The following SNRPN variants were observed in gnomAD, a reference collection of about 807,000 sequenced individuals.
SNRPN encodes the protein small nuclear ribonucleoprotein polypeptide N.
In SNRPN, 7 loss-of-function variants were observed where a neutral mutation model predicts 25.2. The observed-to-expected ratio is 0.28, with a 90% confidence interval of 0.16 to 0.52. The LOEUF (loss-of-function observed/expected upper bound fraction) is 0.52, where lower values mean the gene tolerates loss of function less well. Ranked by LOEUF, SNRPN falls within the 20% of genes least tolerant of loss-of-function variation. The pLI, the probability that SNRPN is intolerant of heterozygous loss-of-function variation, is 0.96. For synonymous variants in SNRPN, 124 were observed against 110.6 expected (o/e 1.12, Z -0.76); for missense variants, 196 against 322.5 (o/e 0.61, Z 3.00).
intron 1 of SNRPN, among the ~76,000 whole-genome samples, chr15:24,860,782 G>A (rs981823374): frequency 1.3e-5 from 2 of 152,164 alleles, no homozygotes. Flanking sequence ...CCATTAATGT[G>A]TATTGCTTTT....
chr15:24,860,478 G>A (rs1216250999), intron 1 of SNRPN, among the ~76,000 whole-genome samples: 1 of 152,102 alleles, frequency 6.6e-6, no homozygotes, highest in Non-Finnish European at 1.5e-5. Flanking sequence ...TAAATACAAA[G>A]CTCCATTTAA....
chr15:24,857,920 T>C (rs2053567801), intron 1 of SNRPN, among the ~76,000 whole-genome samples: 1 of 152,090 alleles, frequency 6.6e-6, no homozygotes, highest in Admixed American at 6.6e-5. Flanking sequence ...TGATTGGTCA[T>C]GTTGGAGATG....
At chr15:24,827,768 G>A (rs1359764511) in intron 1 of SNRPN, among the ~76,000 whole-genome samples, 1 of 151,404 alleles carries the variant, frequency 6.6e-6, no homozygotes, top group Non-Finnish European at 1.5e-5. Context: ...TCAGGAGGCT[G>A]AGGCAGGAGA....
intron 6 of SNRPN, 143 bp from the exon 7 acceptor site, chr15:24,976,734 C>A: frequency 1.4e-6 from 1 of 738,086 alleles, no homozygotes; most frequent in Non-Finnish European, 2.3e-6. Flanking sequence ...CCATGGTATA[C>A]TTGCTTGTTT....
At chr15:24,856,503 CG>C (rs1396256924), upstream of SNRPN, 2 of 152,268 alleles carry the variant, frequency 1.3e-5, no homozygotes, top group African/African-American at 4.8e-5. Flanking sequence ...TGAATGCGGT[CG>C]TCCTGCTGCA....
intron 2 of SNRPN, among the ~76,000 whole-genome samples, chr15:24,889,681 T>C (rs1228268041): frequency 6.6e-6 from 1 of 152,172 alleles, no homozygotes; most frequent in Non-Finnish European, 1.5e-5. Context: ...TCCTCTGGGC[T>C]TCATTTCCTC....
At chr15:24,942,413 C>G (rs1253570258) in intron 3 of SNRPN, 1 of 152,186 alleles carries the variant, frequency 6.6e-6, no homozygotes, top group Non-Finnish European at 1.5e-5. Context: ...CTTCAAAAGG[C>G]CTTTCCACCA....
At chr15:24,879,413 G>A (rs1422797692) in intron 1 of SNRPN, among the ~76,000 whole-genome samples, 1 of 149,708 alleles carries the variant, frequency 6.7e-6, no homozygotes, top group Non-Finnish European at 1.5e-5. Flanking sequence ...CTCTAGCCTG[G>A]AGGACAGAGT....
chr15:24,860,759 CAAAGT>C (rs1267147199), intron 1 of SNRPN, among the ~76,000 whole-genome samples: 2 of 152,154 alleles, frequency 1.3e-5, no homozygotes, highest in African/African-American at 4.8e-5. Context: ...ATTGGACACT[CAAAGT>C]ATAGTTTCCA....
chr15:24,908,676 A>G (rs939149326), intron 2 of SNRPN, among the ~76,000 whole-genome samples: 3 of 138,832 alleles, frequency 2.2e-5, no homozygotes, highest in Admixed American at 7.3e-5. Flanking sequence ...GTAACTCACC[A>G]TACCAACTCA....
chr15:24,890,375 C>A (rs2057572964), intron 2 of SNRPN, among the ~76,000 whole-genome samples: 1 of 152,044 alleles, frequency 6.6e-6, no homozygotes, highest in South Asian at 2.1e-4. Context: ...TCAAAACTGT[C>A]CATAAAAATA....
intron 1 of SNRPN, among the ~76,000 whole-genome samples, chr15:24,956,669 C>T (rs749359202): frequency 3.9e-5 from 6 of 152,218 alleles, no homozygotes; most frequent in Non-Finnish European, 5.9e-5. Flanking sequence ...GCTGATACAG[C>T]AGCTGTTCCT....
chr15:24,886,286 CT>C (rs950311142), intron 1 of SNRPN, among the ~76,000 whole-genome samples: 1 of 152,140 alleles, frequency 6.6e-6, no homozygotes, highest in Non-Finnish European at 1.5e-5. Flanking sequence ...CCTCTTGCCC[CT>C]GATGTTAATT....
intron 1 of SNRPN, among the ~76,000 whole-genome samples, chr15:24,876,946 C>T (rs553861651): frequency 6.6e-6 from 1 of 152,014 alleles, no homozygotes; most frequent in African/African-American, 2.4e-5. Flanking sequence ...TATTTAATGC[C>T]GTGTCAATGT....
chr15:24,832,590 A>G (rs1257407717), intron 2 of SNRPN, among the ~76,000 whole-genome samples: 1 of 152,084 alleles, frequency 6.6e-6, no homozygotes, highest in Non-Finnish European at 1.5e-5. Context: ...TAAAGCTGGT[A>G]ACCCCAGCCA....
intron 4 of SNRPN, 138 bp from the exon 5 acceptor site, chr15:24,975,220 G>A (rs2076932126): frequency 8.8e-6 from 6 of 685,176 alleles, no homozygotes; most frequent in African/African-American, 5.4e-5. Context: ...ATGGAAGAAT[G>A]TTGGTGAAAA....
intron 1 of SNRPN, among the ~76,000 whole-genome samples, chr15:24,961,574 A>C (rs528222500): frequency 6.6e-6 from 1 of 152,076 alleles, no homozygotes; most frequent in Non-Finnish European, 1.5e-5. Flanking sequence ...TGTTTTTGCT[A>C]TGTGGATAGT....
chr15:24,916,664 G>A (rs76822824), intron 2 of SNRPN, among the ~76,000 whole-genome samples: 5,078 of 152,264 alleles, frequency 0.033, 98 homozygotes, highest in Non-Finnish European at 0.043. Context: ...TCATATAATG[G>A]TAACAGTATT....
intron 2 of SNRPN, among the ~76,000 whole-genome samples, chr15:24,893,250 A>G (rs993320195): frequency 3.3e-5 from 5 of 151,632 alleles, no homozygotes; most frequent in African/African-American, 1.2e-4. Flanking sequence ...GAAAAGAAGA[A>G]AAGAAAGTTT....
Sources: gnomAD v4.1 joint callset for allele counts (sites outside exome capture counted in the v4.1 genomes callset) on GRCh38, gnomAD v4.1.1 for gene constraint, MANE v1.5 for transcripts, NCBI Gene and HGNC (gene_info 2026-07-23, HGNC 2026-07-21) for gene names.